The following MTUS2 variants were observed in gnomAD, a reference collection of about 807,000 sequenced individuals.
MTUS2 encodes the protein microtubule-associated tumor suppressor candidate 2.
Under a neutral mutation model 114.1 loss-of-function variants are expected in MTUS2, and 40 were observed. The observed-to-expected ratio is 0.35, with a 90% CI of 0.27 to 0.46. The LOEUF (loss-of-function observed/expected upper bound fraction) is 0.46, where lower values mean the gene tolerates loss of function less well. Among genes scored for constraint, MTUS2 ranks in the 20% least tolerant of loss-of-function variants. The probability of loss-of-function intolerance (pLI) is 1.00; values close to 1 mark genes in which losing one functional copy is unlikely to be tolerated. For synonymous variants in MTUS2, 688 were observed against 672.0 expected (o/e 1.02, Z -0.37); for missense variants, 1,679 against 1,705.4 (o/e 0.98, Z 0.27).
intron 5 of MTUS2, among the ~76,000 whole-genome samples, chr13:29,263,736 C>T (rs1897562561): frequency 6.6e-6 from 1 of 152,118 alleles, no homozygotes; most frequent in African/African-American, 2.4e-5. Context: ...AGAACTCACT[C>T]ACTCATCACC....
chr13:29,039,767 T>C (rs1887265126), intron 4 of MTUS2, among the ~76,000 whole-genome samples: 1 of 152,244 alleles, frequency 6.6e-6, no homozygotes, highest in African/African-American at 2.4e-5. Flanking sequence ...AAAGGTGATG[T>C]GTGTTTCATT....
intron 2 of MTUS2, among the ~76,000 whole-genome samples, chr13:28,993,682 T>C (rs759048656): frequency 6.6e-6 from 1 of 152,102 alleles, no homozygotes; most frequent in Admixed American, 6.5e-5. Context: ...TTCCCTGTTA[T>C]CTTTGTTGAC....
In MTUS2 at chr13:29,052,279, C is replaced by T. The variant is rs576908774; in HGVS notation, c.2446+18154C>T. On this transcript the variant is annotated intron_variant, in intron 4 of 15. Coordinates refer to ENST00000612955, the MANE Select transcript of MTUS2 (RefSeq NM_001033602.4). ...GGCAGATCACCTGAGGTCAGGAGTT[C>T]GAGACCAGCCTGGCCAACATGGCAA... Among the ~76,000 whole-genome samples the T allele has an allele frequency of 1.1e-3, 169 of 151,960 alleles. 1 individual carries two copies. Among genetic ancestry groups the T allele is most frequent in the African/African-American group, 3.9e-3 (161 of 41,436 alleles).
chr13:29,453,959 A>T (rs1350335497), intron 9 of MTUS2, among the ~76,000 whole-genome samples: 2 of 152,236 alleles, frequency 1.3e-5, no homozygotes, highest in Non-Finnish European at 2.9e-5. Flanking sequence ...CACCAGGGCC[A>T]TGGTTAGGTA....
chr13:28,869,517 A>G (rs1383455553), intron 2 of MTUS2, among the ~76,000 whole-genome samples: 1 of 152,346 alleles, frequency 6.6e-6, no homozygotes, highest in Non-Finnish European at 1.5e-5. Flanking sequence ...TTATACCTGT[A>G]ATCCCAGCAC....
At chr13:29,335,658 C>T (rs1202077783) in intron 7 of MTUS2, among the ~76,000 whole-genome samples, 1 of 152,122 alleles carries the variant, frequency 6.6e-6, no homozygotes, top group Non-Finnish European at 1.5e-5. Flanking sequence ...CCCTTTATTT[C>T]TCAGACCGGC....
intron 5 of MTUS2, among the ~76,000 whole-genome samples, chr13:29,223,602 C>T (rs998652486): frequency 6.6e-6 from 1 of 152,218 alleles, no homozygotes. Context: ...CTTTGTCTGG[C>T]TCACCCTCCA....
chr13:29,439,401 C>T (rs1877664455), intron 8 of MTUS2, among the ~76,000 whole-genome samples: 1 of 152,106 alleles, frequency 6.6e-6, no homozygotes, highest in South Asian at 2.1e-4. Flanking sequence ...TTCCTTTTTT[C>T]ATCTATTGAT....
intron 2 of MTUS2, among the ~76,000 whole-genome samples, chr13:28,931,593 A>G (rs7987821): frequency 0.084 from 12,753 of 152,206 alleles, 603 homozygotes; most frequent in South Asian, 0.13. Flanking sequence ...ACCTCTTTTC[A>G]TTATAAATTC....
Position 29,383,698 on chromosome 13 carries a change from C to T in MTUS2, c.3117+24225C>T, listed in dbSNP as rs182357697. Reference sequence around the variant, plus strand: ...ATGTTAGGTCCCATCAGAAGGTGCACGCAGAAGCCCGGCAAGAAGGAATCT... The same window carrying T: ...ATGTTAGGTCCCATCAGAAGGTGCATGCAGAAGCCCGGCAAGAAGGAATCT... On this transcript the variant is annotated intron_variant, in intron 8 of 15. Transcript: ENST00000612955. 4.4e-3 allele frequency among the ~76,000 whole-genome samples: 669 copies of T among 152,188 alleles called. 5 individuals are homozygous for T. Among genetic ancestry groups the T allele is most frequent in the African/African-American group, 0.016 (654 of 41,540 alleles).
In MTUS2 at chr13:28,878,866, C is replaced by CA. The variant is rs559390214; in HGVS notation, c.-243+39019dup. Among the ~76,000 whole-genome samples, 37 of 152,266 alleles carry CA rather than the reference C, an allele frequency of 2.4e-4. No individual in the cohort carries two copies. The South Asian group carries it at 7.5e-3, about 31-fold the overall frequency. On this transcript the variant is annotated intron_variant, in intron 2 of 15. Transcript: ENST00000612955. ...ATACACAGTAATGAGATTGCTGAGT[C>CA]AAATGGTATTCTGGTTCTAGATCTT...
At chr13:29,399,657 T>C (rs1874175167) in intron 8 of MTUS2, among the ~76,000 whole-genome samples, 2 of 152,018 alleles carry the variant, frequency 1.3e-5, no homozygotes. Context: ...ATATCAAAGA[T>C]GTTAAGAAAC....
At chr13:29,332,767 T>G (rs1156341937) in intron 7 of MTUS2, among the ~76,000 whole-genome samples, 2 of 151,118 alleles carry the variant, frequency 1.3e-5, no homozygotes, top group Non-Finnish European at 1.5e-5. Flanking sequence ...CCCGAGTAGC[T>G]GGGACTACAG....
intron 7 of MTUS2, among the ~76,000 whole-genome samples, chr13:29,335,157 A>G (rs1900988747): frequency 6.6e-6 from 1 of 152,186 alleles, no homozygotes; most frequent in Non-Finnish European, 1.5e-5. Flanking sequence ...TTTCTCAGCA[A>G]GGAACATCCC....
In MTUS2 at chr13:29,372,058, A is replaced by G. The variant is rs184858864; in HGVS notation, c.3117+12585A>G. Among the ~76,000 whole-genome samples the G allele has an allele frequency of 5.0e-5, 7 of 140,758 alleles. No individual in the cohort carries two copies. The South Asian group carries it at 9.2e-4, about 19-fold the overall frequency. The allele number at this position is 140,758 out of a possible 152,430, so 92.3% of individuals were successfully genotyped here. A position where few individuals can be genotyped will look rare whatever the true frequency, so the allele number is the denominator to read the frequency against. On this transcript the variant is annotated intron_variant, in intron 8 of 15. Transcript: ENST00000612955. ...GTTAATTAGCTTGATTGTGGTAATC[A>G]TTTCACAGTGTAGATGTGTATCAAA...
chr13:29,098,645 A>G (rs1015969325), intron 4 of MTUS2, among the ~76,000 whole-genome samples: 1 of 152,168 alleles, frequency 6.6e-6, no homozygotes, highest in Non-Finnish European at 1.5e-5. Flanking sequence ...CTACTTTTCT[A>G]CTGATGAAAT....
At chr13:29,388,451 GA>G (rs1375300987) in intron 8 of MTUS2, among the ~76,000 whole-genome samples, 3 of 151,114 alleles carry the variant, frequency 2.0e-5, no homozygotes, top group Non-Finnish European at 2.9e-5. Flanking sequence ...GACCTAGACA[GA>G]ATGATTACTG....
At position 29,321,665 on chromosome 13, in the gene MTUS2, C is replaced by T. The variant is rs77377908; in HGVS notation, c.2807-2948C>T. Among the ~76,000 whole-genome samples the T allele has an allele frequency of 5.6e-3, 856 of 152,202 alleles. 6 individuals are homozygous for T. Among genetic ancestry groups the T allele is most frequent in the African/African-American group, 0.02 (814 of 41,526 alleles). ...TATTTTCATTAGTGGTTTGGTTTCTCTCCTTTTTGCTTATTAGTTATTATA... is the reference window on the plus strand; with the variant it reads ...TATTTTCATTAGTGGTTTGGTTTCTTTCCTTTTTGCTTATTAGTTATTATA... On this transcript the variant is annotated intron_variant, in intron 6 of 15. Coordinates refer to ENST00000612955, the MANE Select transcript of MTUS2 (RefSeq NM_001033602.4).
At chr13:29,018,489 A>C (rs1432116719) in intron 2 of MTUS2, among the ~76,000 whole-genome samples, 1 of 152,224 alleles carries the variant, frequency 6.6e-6, no homozygotes, top group Non-Finnish European at 1.5e-5. Context: ...ATGTATGTGC[A>C]TTTGGCCGGG....
Sources: allele counts gnomAD v4.1 joint callset (sites outside exome capture counted in the v4.1 genomes callset), GRCh38; gene constraint gnomAD v4.1.1; transcripts MANE v1.5; gene names NCBI Gene and HGNC (gene_info 2026-07-23, HGNC 2026-07-21).